AP1M1: variants seen among roughly 807,000 people sequenced by gnomAD.
AP1M1 encodes AP-1 complex subunit mu-1.
Under a neutral mutation model 57.1 loss-of-function variants are expected in AP1M1, and 18 were observed. That is an observed-to-expected ratio of 0.32 (90% CI 0.22 to 0.47). AP1M1 has a LOEUF of 0.47. AP1M1 is among the 20% of genes least tolerant of loss of function. AP1M1 has a pLI of 1.00. For missense variants in AP1M1, 362 were observed against 593.5 expected (o/e 0.61, Z 4.05); for synonymous variants, 241 against 237.9 (o/e 1.01, Z -0.12).
In AP1M1 at chr19:16,206,890, G is replaced by A. The variant is rs2091471671; in HGVS notation, c.267+482G>A. Among the ~76,000 whole-genome samples, 1 of 152,186 alleles carries A rather than the reference G, an allele frequency of 6.6e-6. No individual in the cohort carries two copies. The highest frequency in any genetic ancestry group is 1.5e-5 in the Non-Finnish European group (1 of 68,022). ...CAGCCAGGGTGAAGGCGCCAGGACA[G>A]GTGTATGTGTGGTGCAGCTAGGGAG... On this transcript the variant is annotated intron_variant, in intron 3 of 11. Coordinates refer to ENST00000291439, the MANE Select transcript of AP1M1 (RefSeq NM_032493.4). This position sits in a 1 kb window ranked among gnomAD's most constrained non-coding sequence, Gnocchi z 4.3.
intron 1 of AP1M1, among the ~76,000 whole-genome samples, chr19:16,202,339 C>G (rs751128760): frequency 2.6e-5 from 4 of 152,228 alleles, no homozygotes; most frequent in Non-Finnish European, 5.9e-5. Context: ...TCTCCAACCG[C>G]AGCCATGCCC....
intron 5 of AP1M1, among the ~76,000 whole-genome samples, chr19:16,212,507 C>G (rs541977304): frequency 8.5e-5 from 13 of 152,272 alleles, no homozygotes; most frequent in African/African-American, 2.9e-4. Context: ...AATAGTCTAG[C>G]TAGCAGCCTA....
At chr19:16,231,048 G>A (rs935365114) in intron 9 of AP1M1, among the ~76,000 whole-genome samples, 9 of 151,946 alleles carry the variant, frequency 5.9e-5, no homozygotes, top group South Asian at 4.2e-4. Context: ...CAGCACTTTC[G>A]GAGGCTGAGG....
At chr19:16,211,101 G>GGTTT (rs1555724142) in intron 5 of AP1M1, among the ~76,000 whole-genome samples, 1 of 39,260 alleles carries the variant, frequency 2.5e-5, no homozygotes. Context: ...TCTTAGCAGT[G>GGTTT]TTTTTTTTTT....
intron 1 of AP1M1, among the ~76,000 whole-genome samples, chr19:16,198,958 C>T (rs1259350322): frequency 6.6e-6 from 1 of 152,124 alleles, no homozygotes; most frequent in Admixed American, 6.5e-5. Context: ...CAGGCACCTG[C>T]CACTACGCCG....
At chr19:16,201,590 G>A (rs1168819513) in intron 1 of AP1M1, among the ~76,000 whole-genome samples, 1 of 151,962 alleles carries the variant, frequency 6.6e-6, no homozygotes, top group East Asian at 1.9e-4. Context: ...TAGAGACAGG[G>A]TTTCACCATA....
In AP1M1 at chr19:16,203,416, A is replaced by G. The variant is rs764454733; in HGVS notation, c.43-43A>G. 3.7e-6 allele frequency: 6 copies of G among 1,612,190 alleles called. No individual in the cohort carries two copies. In the South Asian group the frequency reaches 6.6e-5, roughly 18 times the overall value. ...CCTGCCCCAAGCCCCCAGATTGTAG[A>G]ACTGAAAATGCAAGCATCTTTTCTC... On this transcript the variant is annotated intron_variant, in intron 1 of 11. Coordinates refer to ENST00000291439, the MANE Select transcript of AP1M1 (RefSeq NM_032493.4). The surrounding 1 kb of genome is among the most constrained non-coding windows in gnomAD (Gnocchi z 4.6).
intron 4 of AP1M1, among the ~76,000 whole-genome samples, chr19:16,208,533 C>T (rs2091479800): frequency 6.6e-6 from 1 of 152,138 alleles, no homozygotes; most frequent in South Asian, 2.1e-4. Context: ...GGGGCCGGGC[C>T]CCAGCACTTC....
At chr19:16,224,995 G>T (rs974140884) in intron 5 of AP1M1, among the ~76,000 whole-genome samples, 1 of 152,070 alleles carries the variant, frequency 6.6e-6, no homozygotes, top group Non-Finnish European at 1.5e-5. Context: ...GCAGGCAGAC[G>T]CAGGGAAGCT....
chr19:16,200,619 A>G (rs1365650313), intron 1 of AP1M1, among the ~76,000 whole-genome samples: 1 of 152,158 alleles, frequency 6.6e-6, no homozygotes, highest in Non-Finnish European at 1.5e-5. Context: ...TTAATCAACA[A>G]TAAAGCACAC....
chr19:16,230,908 G>T (rs575835319), intron 9 of AP1M1, among the ~76,000 whole-genome samples: 1 of 152,032 alleles, frequency 6.6e-6, no homozygotes, highest in Non-Finnish European at 1.5e-5. Context: ...ATTCATCAGC[G>T]TATCAAGTTG....
In AP1M1 at chr19:16,228,905, G is replaced by T; in HGVS notation, c.1024G>T (p.Val342Leu). 1.2e-6 allele frequency: 2 copies of T among 1,614,042 alleles called. No homozygotes were observed. Among genetic ancestry groups the T allele is most frequent in the Non-Finnish European group, 1.7e-6 (2 of 1,179,956 alleles). The change falls in exon 9 of 12, where the codon GTG becomes TTG. Residue 342 changes from valine (V) to leucine (L), a missense_variant. Transcript: ENST00000291439. The surrounding 1 kb of genome is among the most constrained non-coding windows in gnomAD (Gnocchi z 5.0). ...GTGGGTCCCCGAGAACAGCGAGATCGTGTGGTCCATCAAGTCCTTCCCGGT... is the reference window on the plus strand; with the variant it reads ...GTGGGTCCCCGAGAACAGCGAGATCTTGTGGTCCATCAAGTCCTTCCCGGT... ...VKWVPENSEI[V>L]WSIKSFPGGK...
intron 5 of AP1M1, among the ~76,000 whole-genome samples, chr19:16,222,599 G>GTTTGTTTGTT (rs1555724944): frequency 9.9e-5 from 15 of 151,506 alleles, no homozygotes; most frequent in African/African-American, 2.7e-4. Context: ...TTCTCTTTTT[G>GTTTGTTTGTT]TTTGTTTTTG....
At position 16,203,472 on chromosome 19, in the gene AP1M1, G is replaced by A. The variant is rs969307658; in HGVS notation, c.56G>A (p.Arg19Gln). The change falls in exon 2 of 12, where the codon CGG becomes CAG. Residue 19 changes from arginine to glutamine, a missense_variant. Around this residue, in one of 2 missense-constraint regions of AP1M1, gnomAD observed 337 missense variants for 511.1 expected, o/e 0.66. Transcript: ENST00000291439. The surrounding 1 kb of genome is among the most constrained non-coding windows in gnomAD (Gnocchi z 4.6). ...TCCCCACCCCAGGTGCTCATCTGCC[G>A]GAACTACCGTGGCGACGTGGACATG... is the stretch of plus-strand genomic sequence containing the variant. ...LDLKGKVLIC[R>Q]NYRGDVDMSE... The A allele has an allele frequency of 1.2e-6, 2 of 1,614,030 alleles. No individual in the cohort carries two copies. Among genetic ancestry groups the A allele is most frequent in the African/African-American group, 1.3e-5 (1 of 74,916 alleles).
At chr19:16,224,088 T>A (rs2091558565) in intron 5 of AP1M1, among the ~76,000 whole-genome samples, 2 of 152,224 alleles carry the variant, frequency 1.3e-5, no homozygotes, top group Non-Finnish European at 2.9e-5. Flanking sequence ...GCTGCAGACA[T>A]GGAATTGCCA....
intron 5 of AP1M1, among the ~76,000 whole-genome samples, chr19:16,221,761 A>C (rs2091545335): frequency 6.6e-6 from 1 of 152,232 alleles, no homozygotes; most frequent in Non-Finnish European, 1.5e-5. Flanking sequence ...GGAAACTTTG[A>C]AGAGGAACTT....
rs577119278 is a variant in AP1M1, at chr19:16,207,658, A to T, written c.268-361A>T. On this transcript the variant is annotated intron_variant, in intron 3 of 11. Transcript: ENST00000291439. This position sits in a 1 kb window ranked among gnomAD's most constrained non-coding sequence, Gnocchi z 4.2. ...CAAGCTTTCCACTGAAATGGGGAAG[A>T]TGGCAGCTCATCAGGTCCTTGCCTG... 3.7e-4 allele frequency among the ~76,000 whole-genome samples: 56 copies of T among 152,300 alleles called. No homozygotes were observed. The highest frequency in any genetic ancestry group is 7.5e-4 in the Non-Finnish European group (51 of 68,016).
intron 5 of AP1M1, among the ~76,000 whole-genome samples, chr19:16,211,254 C>T (rs538723926): frequency 1.3e-5 from 2 of 151,842 alleles, no homozygotes; most frequent in African/African-American, 2.4e-5. Flanking sequence ...CCACCATGCC[C>T]GGCTAATTTT....
rs936107870 is a variant in AP1M1 at position 16,227,982 on chromosome 19, C to T, written c.817-155C>T. Among the ~76,000 whole-genome samples the T allele has an allele frequency of 2.0e-5, 3 of 152,364 alleles. No homozygotes were observed. The highest frequency in any genetic ancestry group is 2.0e-4 in the Admixed American group (3 of 15,308). Reference sequence around the variant, plus strand: ...CTCCCGGCTACCTCGGCCTGTCTGCCCTGGCCCTCCCTGACGCTGGCTGTA... The same window carrying T: ...CTCCCGGCTACCTCGGCCTGTCTGCTCTGGCCCTCCCTGACGCTGGCTGTA... On this transcript the variant is annotated intron_variant, in intron 7 of 11. Coordinates refer to ENST00000291439, the MANE Select transcript of AP1M1 (RefSeq NM_032493.4). The surrounding 1 kb of genome is among the most constrained non-coding windows in gnomAD (Gnocchi z 6.2).
Sources: gnomAD v4.1 joint callset for allele counts (sites outside exome capture counted in the v4.1 genomes callset) on GRCh38, gnomAD v4.1.1 for gene constraint, gnomAD v4.1.1 regional missense constraint, Gnocchi (gnomAD v3.1) non-coding constraint, MANE v1.5 for transcripts, NCBI Gene and HGNC (gene_info 2026-07-23, HGNC 2026-07-21) for gene names.